Variants in FOXN3 observed in about 807,000 individuals in gnomAD.
The protein encoded by FOXN3 is forkhead box protein N3.
Under a neutral mutation model 38.4 loss-of-function variants are expected in FOXN3, and 7 were observed. The observed-to-expected ratio is 0.18, with a 90% CI of 0.10 to 0.34. The LOEUF is 0.34. Ranked by LOEUF, FOXN3 falls within the 10% of genes least tolerant of loss-of-function variation. The pLI is 1.00. For missense variants in FOXN3, 456 were observed against 613.4 expected (o/e 0.74, Z 2.71); for synonymous variants, 230 against 242.2 (o/e 0.95, Z 0.47).
chr14:89,338,127 A>G (rs932396626), intron 3 of FOXN3, among the ~76,000 whole-genome samples: 7 of 152,198 alleles, frequency 4.6e-5, no homozygotes, highest in Non-Finnish European at 1.0e-4. Flanking sequence ...CAGATGGGGA[A>G]GTAGATGGAA....
chr14:89,225,431 C>T (rs367679133), intron 4 of FOXN3, among the ~76,000 whole-genome samples: 11 of 151,524 alleles, frequency 7.3e-5, no homozygotes. Flanking sequence ...GGTGAAACCC[C>T]GTCTCTACTA....
intron 4 of FOXN3, among the ~76,000 whole-genome samples, chr14:89,201,765 T>C (rs1215126253): frequency 1.3e-5 from 2 of 152,128 alleles, no homozygotes. Flanking sequence ...AACCATCACT[T>C]CTCTCCACTT....
intron 1 of FOXN3, among the ~76,000 whole-genome samples, chr14:89,612,533 C>T (rs1896413381): frequency 6.6e-6 from 1 of 152,164 alleles, no homozygotes; most frequent in African/African-American, 2.4e-5. Flanking sequence ...TGGTGGCTCA[C>T]ACCTGTAATC....
At position 89,253,289 on chromosome 14, in the gene FOXN3, T is replaced by A. The variant is rs183772239; in HGVS notation, c.745+27661A>T. On this transcript the variant is annotated intron_variant, in intron 4 of 5. Coordinates refer to ENST00000557258, the MANE Select transcript of FOXN3 (RefSeq NM_005197.4). ...AGAGCCTCTGGCAGGGATCTGGCAT[T>A]CGCTCTAGGGCATGAAGCTTCTGGA... Among the ~76,000 whole-genome samples, 3 of 152,300 alleles carry A rather than the reference T, an allele frequency of 2.0e-5. No homozygotes were observed. The East Asian group carries it at 5.8e-4, about 29-fold the overall frequency.
intron 4 of FOXN3, among the ~76,000 whole-genome samples, chr14:89,270,949 G>C (rs1010569070): frequency 1.3e-5 from 2 of 152,192 alleles, no homozygotes; most frequent in Non-Finnish European, 2.9e-5. Context: ...GACGGGCAGA[G>C]GGATGGCAGG....
In FOXN3 at chr14:89,167,963, C is replaced by T. The variant is rs562901391; in HGVS notation, c.852-4994G>A. ...GTACCCTCTAAGGGCGTTCAAGTGGCTCCAGGTATACTGGTCCCCCAGGCT... is the reference window on the plus strand; with the variant it reads ...GTACCCTCTAAGGGCGTTCAAGTGGTTCCAGGTATACTGGTCCCCCAGGCT... On this transcript the variant is annotated intron_variant, in intron 5 of 5. Transcript: ENST00000557258. Among the ~76,000 whole-genome samples, 17 of 152,298 alleles carry T rather than the reference C, an allele frequency of 1.1e-4. No individual in the cohort carries two copies. The South Asian group carries it at 1.9e-3, about 17-fold the overall frequency.
intron 2 of FOXN3, among the ~76,000 whole-genome samples, chr14:89,407,382 A>T (rs1400544476): frequency 6.6e-6 from 1 of 152,270 alleles, no homozygotes; most frequent in Non-Finnish European, 1.5e-5. Flanking sequence ...AACATTTTGT[A>T]AACAGGGATA....
intron 1 of FOXN3, among the ~76,000 whole-genome samples, chr14:89,611,821 A>AG (rs1296605661): frequency 2.0e-5 from 3 of 151,990 alleles, no homozygotes; most frequent in Non-Finnish European, 4.4e-5. Flanking sequence ...AAAAAAAAAA[A>AG]AAAAAAAATC....
chr14:89,509,590 C>T (rs1167163968), intron 1 of FOXN3, among the ~76,000 whole-genome samples: 2 of 152,226 alleles, frequency 1.3e-5, no homozygotes, highest in Non-Finnish European at 2.9e-5. Context: ...CCGCCTCGGC[C>T]TCCCAAAGTG....
rs73325190 is a variant in FOXN3, at chr14:89,364,104, A to C, written c.544-13296T>G. Among the ~76,000 whole-genome samples, 1,473 of 149,414 alleles carry C rather than the reference A, an allele frequency of 9.9e-3. 22 individuals are homozygous for C. The highest frequency in any genetic ancestry group is 0.035 in the African/African-American group (1,402 of 40,550). The stretch of plus-strand genomic sequence containing the variant: ...CTAACGACATTGGGGAAATGTTTAC[A>C]CTTCAAAAATTTAAAAAGAAAACCA... On this transcript the variant is annotated intron_variant, in intron 2 of 5. Transcript: ENST00000557258.
intron 1 of FOXN3, among the ~76,000 whole-genome samples, chr14:89,511,268 T>A (rs370629131): frequency 2.9e-5 from 1 of 34,224 alleles, no homozygotes; most frequent in African/African-American, 7.3e-5. Context: ...TCTTTCTTTC[T>A]TTCTTTCTTT....
At chr14:89,252,192 A>C (rs115397333) in intron 4 of FOXN3, among the ~76,000 whole-genome samples, 38 of 152,320 alleles carry the variant, frequency 2.5e-4, no homozygotes, top group African/African-American at 8.7e-4. Flanking sequence ...TCAGCTAATA[A>C]CCTGCTAAAC....
chr14:89,442,917 G>A (rs745784165), intron 1 of FOXN3, among the ~76,000 whole-genome samples: 2 of 152,218 alleles, frequency 1.3e-5, no homozygotes, highest in African/African-American at 4.8e-5. Flanking sequence ...AGTTGCAACA[G>A]AGACCATATA....
chr14:89,286,923 C>T (rs763346656), intron 3 of FOXN3, among the ~76,000 whole-genome samples: 1 of 151,976 alleles, frequency 6.6e-6, no homozygotes, highest in African/African-American at 2.4e-5. Context: ...TTGAGTGTCC[C>T]GGCAATTAAA....
At chr14:89,517,601 C>T (rs764128577) in intron 1 of FOXN3, among the ~76,000 whole-genome samples, 1 of 152,166 alleles carries the variant, frequency 6.6e-6, no homozygotes, top group Non-Finnish European at 1.5e-5. Flanking sequence ...GAGGGAAATC[C>T]AGCCCCATGA....
At chr14:89,373,368 T>C (rs1364733854) in intron 2 of FOXN3, among the ~76,000 whole-genome samples, 1 of 151,836 alleles carries the variant, frequency 6.6e-6, no homozygotes, top group Non-Finnish European at 1.5e-5. Flanking sequence ...TTCCCAGGGT[T>C]TTGGCCTGTT....
At chr14:89,199,154 G>A (rs1282032777) in intron 4 of FOXN3, among the ~76,000 whole-genome samples, 1 of 152,184 alleles carries the variant, frequency 6.6e-6, no homozygotes, top group Non-Finnish European at 1.5e-5. Flanking sequence ...TTTGGCTGAA[G>A]GTTATTGAGA....
chr14:89,400,889 T>C (rs1891227088), intron 2 of FOXN3, among the ~76,000 whole-genome samples: 1 of 152,156 alleles, frequency 6.6e-6, no homozygotes, highest in Non-Finnish European at 1.5e-5. Context: ...TAACACAATC[T>C]GGTACATTAC....
intron 3 of FOXN3, among the ~76,000 whole-genome samples, chr14:89,281,612 T>C (rs1886462774): frequency 6.6e-6 from 1 of 152,186 alleles, no homozygotes; most frequent in African/African-American, 2.4e-5. Context: ...CCACCCACAG[T>C]GTGGTAACAG....
Sources: gnomAD v4.1 joint callset for allele counts (sites outside exome capture counted in the v4.1 genomes callset) on GRCh38, gnomAD v4.1.1 for gene constraint, MANE v1.5 for transcripts, NCBI Gene and HGNC (gene_info 2026-07-23, HGNC 2026-07-21) for gene names.